The following DMD variants were observed in gnomAD, a reference collection of about 807,000 sequenced individuals.
DMD encodes dystrophin, also known as mutant dystrophin.
In DMD, 63 loss-of-function variants were observed where a neutral mutation model predicts 330.1. The observed-to-expected ratio is 0.19, with a 90% CI of 0.16 to 0.24. DMD has a LOEUF of 0.24. Among genes scored for constraint, DMD ranks in the 10% least tolerant of loss-of-function variants. The probability of loss-of-function intolerance (pLI) is 1.00; values close to 1 mark genes in which losing one functional copy is unlikely to be tolerated. For missense variants in DMD, 3,344 were observed against 2,684.1 expected (o/e 1.25, Z -5.43); for synonymous variants, 1,223 against 959.8 (o/e 1.27, Z -5.07).
intron 27 of DMD, among the ~76,000 whole-genome samples, chrX:32,447,751 T>C (rs907899128): frequency 1.8e-5 from 2 of 111,898 alleles, no homozygotes; most frequent in Non-Finnish European, 3.8e-5. Context: ...GTGGATAAAG[T>C]TTTGTGCCCC....
At chrX:32,360,043 G>A (rs2097825344) in intron 37 of DMD, among the ~76,000 whole-genome samples, 1 of 110,781 alleles carries the variant, frequency 9.0e-6, no homozygotes, top group South Asian at 3.8e-4. Context: ...AAAAAGTTAG[G>A]CCTAAATCTC....
intron 1 of DMD, among the ~76,000 whole-genome samples, chrX:33,327,304 G>C (rs1028277059): frequency 8.9e-6 from 1 of 111,761 alleles, no homozygotes; most frequent in African/African-American, 3.3e-5. Flanking sequence ...TGTTTCTCAG[G>C]CATCTGTGGA....
intron 1 of DMD, among the ~76,000 whole-genome samples, chrX:33,196,380 T>C (rs1465297060): frequency 9.0e-6 from 1 of 111,527 alleles, no homozygotes; most frequent in Non-Finnish European, 1.9e-5. Flanking sequence ...GATTTTACCC[T>C]GAAGCTAGAA....
intron 41 of DMD, among the ~76,000 whole-genome samples, chrX:32,314,113 A>G (rs1392236559): frequency 1.8e-5 from 2 of 111,750 alleles, no homozygotes; most frequent in Non-Finnish European, 3.8e-5. Flanking sequence ...AAGAATAACA[A>G]AGCTGGAGGC....
rs372157392 is a variant in DMD at position 32,505,854 on chromosome X, T to C, written c.2293-4012A>G. On this transcript the variant is annotated intron_variant, in intron 18 of 78. Coordinates refer to ENST00000357033, the MANE Select transcript of DMD (RefSeq NM_004006.3). ...TGAGCTATCAAGCCATAAAAAGACA[T>C]GGAAGAACTTAAATGCATGTTACTA... is the stretch of plus-strand genomic sequence containing the variant. Among the ~76,000 whole-genome samples the C allele has an allele frequency of 1.2e-3, 136 of 111,995 alleles. 2 individuals are homozygous for C. The South Asian group carries it at 0.032, about 27-fold the overall frequency.
At chrX:32,795,860 CATCACTA>C (rs2076146328) in intron 7 of DMD, among the ~76,000 whole-genome samples, 1 of 111,598 alleles carries the variant, frequency 9.0e-6, no homozygotes, top group African/African-American at 3.3e-5. Flanking sequence ...AAATGCTCAA[CATCACTA>C]ATCATTAGGG....
At chrX:32,073,923 A>T (rs777967397) in intron 44 of DMD, among the ~76,000 whole-genome samples, 31 of 111,643 alleles carry the variant, frequency 2.8e-4, no homozygotes, top group Non-Finnish European at 5.3e-4. Context: ...TAATGATATT[A>T]AAGTATTAAT....
intron 34 of DMD, among the ~76,000 whole-genome samples, chrX:32,375,612 T>C (rs753640603): frequency 1.8e-5 from 2 of 112,274 alleles, no homozygotes; most frequent in Non-Finnish European, 3.8e-5. Context: ...ATATTACAAG[T>C]ATCATTTAAG....
chrX:32,147,310 A>C (rs967209211), intron 44 of DMD, among the ~76,000 whole-genome samples: 1 of 111,984 alleles, frequency 8.9e-6, no homozygotes, highest in African/African-American at 3.2e-5. Flanking sequence ...TAAATCACAA[A>C]GCTGTTGCTT....
intron 57 of DMD, among the ~76,000 whole-genome samples, chrX:31,485,341 C>T (rs1180393756): frequency 1.4e-4 from 15 of 111,072 alleles, no homozygotes; most frequent in African/African-American, 4.6e-4. Flanking sequence ...ACTACAGGCA[C>T]GCGCCACCAC....
intron 44 of DMD, among the ~76,000 whole-genome samples, chrX:32,113,486 C>A (rs771177258): frequency 4.5e-4 from 50 of 111,787 alleles, no homozygotes; most frequent in African/African-American, 1.6e-3. Context: ...TAAAATACAG[C>A]AAACACAGGT....
At chrX:31,902,833 C>T (rs1265359292) in intron 47 of DMD, among the ~76,000 whole-genome samples, 3 of 111,373 alleles carry the variant, frequency 2.7e-5, no homozygotes, top group Non-Finnish European at 5.7e-5. Context: ...ATTTTTTCCC[C>T]TTTAAGATTT....
At chrX:31,864,485 C>CT (rs201374257) in intron 48 of DMD, among the ~76,000 whole-genome samples, 13,277 of 53,893 alleles carry the variant, frequency 0.25, 1,963 homozygotes, top group Non-Finnish European at 0.27. Context: ...TTTTGAAGGC[C>CT]TTTTTTTTTT....
intron 7 of DMD, among the ~76,000 whole-genome samples, chrX:32,729,182 T>A (rs1289210748): frequency 8.9e-6 from 1 of 112,174 alleles, no homozygotes; most frequent in Non-Finnish European, 1.9e-5. Flanking sequence ...AAATCCTTAT[T>A]GAATCATTTC....
intron 57 of DMD, 66 bp downstream of exon 57, chrX:31,496,722 T>G: frequency 8.7e-7 from 1 of 1,154,890 alleles, no homozygotes; most frequent in Non-Finnish European, 1.2e-6. Context: ...AAAATTAATT[T>G]TAAAATAGTC....
Position 31,338,306 on chromosome X carries a change from A to G in DMD, c.9163+10250T>C, listed in dbSNP as rs1018176972. On this transcript the variant is annotated intron_variant, in intron 61 of 78. Coordinates refer to ENST00000357033, the MANE Select transcript of DMD (RefSeq NM_004006.3). ...TAGTGAAACCCCGTCTCTAGTAAAA[A>G]TACAAAAAAAAAAAAAAAAAAAAAA... Among the ~76,000 whole-genome samples the G allele has an allele frequency of 6.7e-5, 5 of 75,071 alleles. No individual in the cohort carries two copies. In the South Asian group the frequency reaches 3.8e-3, roughly 57 times the overall value. The allele number at this position is 75,071 out of a possible 115,157, so 65.2% of individuals were successfully genotyped here.
At chrX:32,392,751 C>T (rs900726028) in intron 30 of DMD, among the ~76,000 whole-genome samples, 13 of 112,646 alleles carry the variant, frequency 1.2e-4, no homozygotes, top group Admixed American at 2.8e-4. Flanking sequence ...GGCCTGGCAG[C>T]TTCCACGTCT....
intron 47 of DMD, among the ~76,000 whole-genome samples, chrX:31,926,505 A>G (rs1474713407): frequency 2.7e-5 from 3 of 110,066 alleles, no homozygotes; most frequent in African/African-American, 6.6e-5. Context: ...CGAACCCTCC[A>G]TCTCTACTAA....
intron 32 of DMD, among the ~76,000 whole-genome samples, chrX:32,388,423 C>T (rs1319005492): frequency 1.0e-5 from 1 of 98,968 alleles, no homozygotes; most frequent in South Asian, 4.6e-4. Context: ...CAACTAACTA[C>T]TTTCTATCAT....
Sources: allele counts gnomAD v4.1 joint callset (sites outside exome capture counted in the v4.1 genomes callset), GRCh38; gene constraint gnomAD v4.1.1; transcripts MANE v1.5; gene names NCBI Gene and HGNC (gene_info 2026-07-23, HGNC 2026-07-21).